Variants in MGAT4C observed in about 807,000 individuals in gnomAD.
MGAT4C encodes the protein alpha-1,3-mannosyl-glycoprotein 4-beta-N-acetylglucosaminyltransferase C.
Under a neutral mutation model 40.1 loss-of-function variants are expected in MGAT4C, and 19 were observed. The observed-to-expected ratio is 0.47, with a 90% CI of 0.33 to 0.70. The LOEUF (loss-of-function observed/expected upper bound fraction) is 0.70, where lower values mean the gene tolerates loss of function less well. Ranked by LOEUF, MGAT4C falls within the 30% of genes least tolerant of loss-of-function variation. The pLI, the probability that MGAT4C is intolerant of heterozygous loss-of-function variation, is 0.02. For missense variants in MGAT4C, 491 were observed against 563.2 expected (o/e 0.87, Z 1.30); for synonymous variants, 181 against 187.1 (o/e 0.97, Z 0.27).
At chr12:86,429,217 C>T (rs1251595981) in intron 3 of MGAT4C, among the ~76,000 whole-genome samples, 1 of 151,970 alleles carries the variant, frequency 6.6e-6, no homozygotes, top group Non-Finnish European at 1.5e-5. Flanking sequence ...GCTTCAATGA[C>T]CTTTTGGTTG....
At chr12:86,248,194 T>TCTTCCTTCCTTCCTTCCTTCCTTCCTTC (rs71076174) in intron 1 of MGAT4C, among the ~76,000 whole-genome samples, 5 of 140,422 alleles carry the variant, frequency 3.6e-5, no homozygotes, top group Admixed American at 7.3e-5. Context: ...ACCTAGTTTC[T>TCTTCCTTCCTTCCTTCCTTCCTTCCTTC]CTTCCTTCCT....
In MGAT4C at chr12:85,962,578, A is replaced by C. The variant is rs1883170190; in HGVS notation, c.*16711T>G. On this transcript the variant is annotated 3_prime_UTR_variant, in exon 5 of 5. Transcript: ENST00000611864. ...GTGATTTGACAAATCACATTTGTCA[A>C]ATAAGGAATGGCTGAATTAAATGAT... 6.6e-6 allele frequency: 1 copy of C among 150,766 alleles called. No homozygotes were observed. Among genetic ancestry groups the C allele is most frequent in the East Asian group, 1.9e-4 (1 of 5,158 alleles). The allele number at this position is 150,766 out of a possible 1,614,324, so 9.3% of individuals were successfully genotyped here. A position where few individuals can be genotyped will look rare whatever the true frequency, so the allele number is the denominator to read the frequency against.
intron 1 of MGAT4C, among the ~76,000 whole-genome samples, chr12:86,806,246 T>G (rs1398581210): frequency 1.3e-5 from 2 of 152,004 alleles, no homozygotes; most frequent in Non-Finnish European, 2.9e-5. Flanking sequence ...TTTATTAGAA[T>G]TTTTATCAAT....
At chr12:86,670,327 A>T (rs1215118433) in intron 2 of MGAT4C, among the ~76,000 whole-genome samples, 1 of 152,158 alleles carries the variant, frequency 6.6e-6, no homozygotes, top group Non-Finnish European at 1.5e-5. Context: ...ACAATCCAGG[A>T]AATGAAGGAA....
chr12:86,006,590 T>A (rs1021144284), intron 2 of MGAT4C, among the ~76,000 whole-genome samples: 14 of 152,164 alleles, frequency 9.2e-5, no homozygotes, highest in Admixed American at 3.9e-4. Context: ...TGAGCTGAAG[T>A]AGGCCCCATG....
intron 2 of MGAT4C, among the ~76,000 whole-genome samples, chr12:86,518,025 C>G (rs929659931): frequency 6.6e-6 from 1 of 152,044 alleles, no homozygotes; most frequent in Admixed American, 6.6e-5. Flanking sequence ...TGAACTTTCC[C>G]CGTGTTAAAG....
chr12:86,431,807 T>C (rs1258515080), intron 3 of MGAT4C, among the ~76,000 whole-genome samples: 1 of 152,152 alleles, frequency 6.6e-6, no homozygotes, highest in Non-Finnish European at 1.5e-5. Flanking sequence ...CTTCGCACCA[T>C]TGTACACTCA....
intron 1 of MGAT4C, among the ~76,000 whole-genome samples, chr12:86,093,731 A>AAACAACAACAACAACAAC (rs35399411): frequency 2.7e-5 from 4 of 149,424 alleles, no homozygotes; most frequent in Admixed American, 6.7e-5. Context: ...CTCCGTCTAA[A>AAACAACAACAACAACAAC]AACAACAACA....
rs1958100471 is a variant in MGAT4C, at chr12:86,489,963, T to A, written c.-228-54698A>T. 3.3e-5 allele frequency among the ~76,000 whole-genome samples: 5 copies of A among 152,176 alleles called. No homozygotes were observed. In the South Asian group the frequency reaches 1.0e-3, roughly 32 times the overall value. ...TACGTCTAATTGGTGTACCTGAAAGTGACGGGGAGAATGGAACCAAGTTGG... is the reference window on the plus strand; with the variant it reads ...TACGTCTAATTGGTGTACCTGAAAGAGACGGGGAGAATGGAACCAAGTTGG... On this transcript the variant is annotated intron_variant, in intron 2 of 7. Transcript: ENST00000548651.
intron 1 of MGAT4C, among the ~76,000 whole-genome samples, chr12:86,089,491 C>T (rs542947484): frequency 2.8e-4 from 43 of 151,850 alleles, no homozygotes; most frequent in Non-Finnish European, 6.3e-4. Flanking sequence ...TCCTCTATCC[C>T]ACTGGTTGAA....
Position 85,979,208 on chromosome 12 carries a change from G to T in MGAT4C, c.*81C>A. Reference sequence around the variant, plus strand: ...TTTCTTTTAACATATCCCATCCATTGCTTTCCCTCCAAAAGACAAAGGTAG... The same window carrying T: ...TTTCTTTTAACATATCCCATCCATTTCTTTCCCTCCAAAAGACAAAGGTAG... On this transcript the variant is annotated 3_prime_UTR_variant, in exon 5 of 5. Coordinates refer to ENST00000611864, the MANE Select transcript of MGAT4C (RefSeq NM_001351288.2). 8.8e-7 allele frequency: 1 copy of T among 1,137,872 alleles called. No homozygotes were observed. Among genetic ancestry groups the T allele is most frequent in the Non-Finnish European group, 1.2e-6 (1 of 800,276 alleles). The allele number at this position is 1,137,872 out of a possible 1,614,324, so 70.5% of individuals were successfully genotyped here. A position where few individuals can be genotyped will look rare whatever the true frequency, so the allele number is the denominator to read the frequency against.
intron 2 of MGAT4C, among the ~76,000 whole-genome samples, chr12:86,000,459 A>G (rs1887176064): frequency 6.6e-6 from 1 of 152,180 alleles, no homozygotes; most frequent in African/African-American, 2.4e-5. Context: ...CAAGTTAAAC[A>G]AAATGGAGAA....
intron 3 of MGAT4C, among the ~76,000 whole-genome samples, chr12:86,361,983 T>G (rs1048612900): frequency 3.3e-5 from 5 of 152,242 alleles, no homozygotes; most frequent in African/African-American, 1.2e-4. Context: ...ATCCCATTAC[T>G]GGGTATATAC....
At chr12:86,208,603 C>G (rs1036027288) in intron 1 of MGAT4C, among the ~76,000 whole-genome samples, 1 of 152,172 alleles carries the variant, frequency 6.6e-6, no homozygotes, top group African/African-American at 2.4e-5. Flanking sequence ...AAAAACTCAG[C>G]AGGGCTGGGT....
At chr12:86,535,317 CAATT>C (rs1405678474) in intron 2 of MGAT4C, among the ~76,000 whole-genome samples, 4 of 151,970 alleles carry the variant, frequency 2.6e-5, no homozygotes, top group Non-Finnish European at 2.9e-5. Context: ...TAATTCTTAA[CAATT>C]AAGATAAACA....
rs138653431 is a variant in MGAT4C at position 86,247,383 on chromosome 12, C to A, written c.-57+8856G>T. On this transcript the variant is annotated intron_variant, in intron 1 of 4. Coordinates refer to ENST00000611864, the MANE Select transcript of MGAT4C (RefSeq NM_001351288.2). ...TATTCACTTGACCATATATATCTAG[C>A]TGATTTCCTTACTCCAGACACTGGA... Among the ~76,000 whole-genome samples, 39 of 152,256 alleles carry A rather than the reference C, an allele frequency of 2.6e-4. No homozygotes were observed. The East Asian group carries it at 7.0e-3, about 27-fold the overall frequency.
At chr12:86,056,488 G>T (rs931133330) in intron 1 of MGAT4C, among the ~76,000 whole-genome samples, 1 of 152,106 alleles carries the variant, frequency 6.6e-6, no homozygotes, top group Non-Finnish European at 1.5e-5. Flanking sequence ...GCAGTGTTTG[G>T]TTTTCTGTTC....
intron 3 of MGAT4C, among the ~76,000 whole-genome samples, chr12:85,988,787 T>C (rs554771842): frequency 1.3e-5 from 2 of 152,118 alleles, no homozygotes; most frequent in South Asian, 4.1e-4. Context: ...CCTATTTATA[T>C]GTAATCACCT....
intron 2 of MGAT4C, among the ~76,000 whole-genome samples, chr12:86,568,605 A>G (rs1415539578): frequency 2.0e-5 from 3 of 151,162 alleles, no homozygotes; most frequent in Non-Finnish European, 2.9e-5. Flanking sequence ...CCTAATACAG[A>G]CTCTAAATAG....
Sources: gnomAD v4.1 joint callset for allele counts (sites outside exome capture counted in the v4.1 genomes callset) on GRCh38, gnomAD v4.1.1 for gene constraint, MANE v1.5 for transcripts, NCBI Gene and HGNC (gene_info 2026-07-23, HGNC 2026-07-21) for gene names.